The following LARGE1 variants were observed in gnomAD, a reference collection of about 807,000 sequenced individuals.
LARGE1 encodes the protein xylosyl- and glucuronyltransferase LARGE1.
In LARGE1, 43 loss-of-function variants were observed where a neutral mutation model predicts 87.6. That is an observed-to-expected ratio of 0.49 (90% CI 0.38 to 0.63). LARGE1 has a LOEUF of 0.63. LARGE1 is among the 30% of genes least tolerant of loss of function. The pLI is 0.00. For missense variants in LARGE1, 802 were observed against 1,000.2 expected (o/e 0.80, Z 2.67); for synonymous variants, 434 against 394.6 (o/e 1.10, Z -1.18).
At chr22:33,211,044 T>C (rs1328429203) in intron 11 of LARGE1, among the ~76,000 whole-genome samples, 3 of 152,252 alleles carry the variant, frequency 2.0e-5, no homozygotes, top group Non-Finnish European at 4.4e-5. Context: ...CAGCACGTGC[T>C]CACTTTGTGT....
chr22:33,556,727 G>T (rs528183039), intron 6 of LARGE1, among the ~76,000 whole-genome samples: 5 of 151,272 alleles, frequency 3.3e-5, no homozygotes, highest in Non-Finnish European at 7.4e-5. Context: ...AAAAAAAGAG[G>T]CTGGCTGCAG....
chr22:33,541,000 T>C (rs1225182685), intron 6 of LARGE1, among the ~76,000 whole-genome samples: 1 of 133,506 alleles, frequency 7.5e-6, no homozygotes, highest in Non-Finnish European at 1.6e-5. Flanking sequence ...TAGCCAGGTG[T>C]GGTGGTGCAC....
intron 5 of LARGE1, among the ~76,000 whole-genome samples, chr22:33,580,950 G>A (rs754241317): frequency 4.6e-5 from 7 of 152,060 alleles, no homozygotes; most frequent in Admixed American, 1.3e-4. Context: ...ATACATAACC[G>A]GTCAGTTTGT....
chr22:33,089,201 A>G, the LARGE1 span, among the ~76,000 whole-genome samples: 1 of 152,118 alleles, frequency 6.6e-6, no homozygotes, highest in African/African-American at 2.4e-5. Context: ...TTGACCACCA[A>G]ATCCACCTCA....
In LARGE1 at chr22:33,774,973, T is replaced by A. The variant is rs141046850; in HGVS notation, c.-82-13415A>T. ...AAGCTTTGCCGTAATACAGGCTGGA[T>A]AAATAGCAGCAGGAGTTAGTGGCAG... On this transcript the variant is annotated intron_variant, in intron 1 of 14. Coordinates refer to ENST00000397394, the MANE Select transcript of LARGE1 (RefSeq NM_133642.5). Among the ~76,000 whole-genome samples, 633 of 152,252 alleles carry A rather than the reference T, an allele frequency of 4.2e-3. 1 individual carries two copies. Among genetic ancestry groups the A allele is most frequent in the Middle Eastern group, 0.014 (4 of 294 alleles).
In LARGE1 at chr22:33,521,199, G is replaced by A. The variant is rs117926440; in HGVS notation, c.787+43649C>T. Reference sequence around the variant, plus strand: ...AAGTTTCTCCAAGAAGTAGCACACTGTATCAGTCAGCATTGCTGTGTAACA... The same window carrying A: ...AAGTTTCTCCAAGAAGTAGCACACTATATCAGTCAGCATTGCTGTGTAACA... On this transcript the variant is annotated intron_variant, in intron 6 of 14. Transcript: ENST00000397394. 3.4e-3 allele frequency among the ~76,000 whole-genome samples: 516 copies of A among 152,384 alleles called. 6 individuals carry two copies. The highest frequency in any genetic ancestry group is 0.022 in the South Asian group (104 of 4,832).
chr22:33,673,357 C>G (rs552451031), intron 2 of LARGE1, among the ~76,000 whole-genome samples: 7 of 152,278 alleles, frequency 4.6e-5, no homozygotes, highest in African/African-American at 1.7e-4. Flanking sequence ...CAGTACTCTT[C>G]CATGCTGCCA....
At chr22:33,548,084 T>C (rs2077413818) in intron 6 of LARGE1, among the ~76,000 whole-genome samples, 2 of 152,220 alleles carry the variant, frequency 1.3e-5, no homozygotes, top group South Asian at 2.1e-4. Context: ...TCATGTTCAG[T>C]TGTGATCCCC....
chr22:33,777,649 AG>A lies in LARGE1; in HGVS notation c.-82-16092del, dbSNP rs1176284346. 1.5e-3 allele frequency among the ~76,000 whole-genome samples: 5 copies of A among 3,386 alleles called. No individual in the cohort carries two copies. The South Asian group carries it at 0.041, about 28-fold the overall frequency. The allele number at this position is 3,386 out of a possible 152,430, so 2.2% of individuals were successfully genotyped here. On this transcript the variant is annotated intron_variant, in intron 1 of 14. Transcript: ENST00000397394. ...CAGAGAGGGAGGGAGGGGAAGGGGG[AG>A]GGGGAGGGGGAGGGGAAGGGGAAGG...
At chr22:33,466,952 G>T (rs892090346) in intron 6 of LARGE1, among the ~76,000 whole-genome samples, 1 of 152,094 alleles carries the variant, frequency 6.6e-6, no homozygotes, top group Admixed American at 6.6e-5. Flanking sequence ...AGGCAGGAGA[G>T]AATCACTTGA....
chr22:33,170,068 G>A (rs546151958), intron 11 of LARGE1, among the ~76,000 whole-genome samples: 10 of 152,182 alleles, frequency 6.6e-5, no homozygotes, highest in African/African-American at 2.4e-4. Context: ...ATTAGATCAT[G>A]AGGGCAGCCC....
intron 9 of LARGE1, among the ~76,000 whole-genome samples, chr22:33,355,696 G>T (rs528576539): frequency 6.5e-4 from 39 of 59,782 alleles, no homozygotes; most frequent in African/African-American, 1.3e-3. Context: ...GGCTTTCTGA[G>T]GCCCAGTGTT....
At chr22:33,321,352 C>T (rs1936692744) in intron 10 of LARGE1, among the ~76,000 whole-genome samples, 1 of 152,184 alleles carries the variant, frequency 6.6e-6, no homozygotes, top group South Asian at 2.1e-4. Flanking sequence ...CAGGGTGGCC[C>T]TTCTGATTCA....
At chr22:33,302,814 C>T (rs542598207) in intron 12 of LARGE1, among the ~76,000 whole-genome samples, 8 of 152,230 alleles carry the variant, frequency 5.3e-5, no homozygotes, top group Admixed American at 2.0e-4. Flanking sequence ...CACACCCTGG[C>T]GTGAGCTCTC....
rs1428363000 is a variant in LARGE1 at position 33,387,262 on chromosome 22, TAAAAATACAAAAA to T, written c.893-2971_893-2959del. ...CAACATGGCGAAACCCCACCTCTACTAAAAATACAAAAAAACTAGCCGGGTGTGGTGGTGCACG... is the reference window on the plus strand; with the variant it reads ...CAACATGGCGAAACCCCACCTCTACTAACTAGCCGGGTGTGGTGGTGCACG... On this transcript the variant is annotated intron_variant, in intron 7 of 14. Transcript: ENST00000397394. Among the ~76,000 whole-genome samples the T allele has an allele frequency of 1.7e-4, 22 of 127,674 alleles. 4 individuals are homozygous for T. The South Asian group carries it at 5.1e-3, about 30-fold the overall frequency. 83.8% of individuals were successfully genotyped at this position (127,674 alleles called of 152,430 possible).
chr22:33,325,412 C>T (rs183910558), intron 10 of LARGE1, among the ~76,000 whole-genome samples: 2 of 152,350 alleles, frequency 1.3e-5, no homozygotes, highest in Admixed American at 1.3e-4. Flanking sequence ...ATTTTATTCG[C>T]CTTCTTTTCT....
intron 2 of LARGE1, among the ~76,000 whole-genome samples, chr22:33,657,846 A>G (rs918092191): frequency 3.3e-5 from 5 of 152,010 alleles, no homozygotes; most frequent in Non-Finnish European, 5.9e-5. Flanking sequence ...CCCTGAGTAC[A>G]TGTCCTTGGG....
the LARGE1 span, among the ~76,000 whole-genome samples, chr22:33,090,159 C>T: frequency 1.3e-5 from 2 of 152,102 alleles, no homozygotes; most frequent in Non-Finnish European, 2.9e-5. Context: ...TAGCCGAGAT[C>T]GCACCACTGT....
chr22:33,089,263 CTCT>C, the LARGE1 span, among the ~76,000 whole-genome samples: 422 of 150,900 alleles, frequency 2.8e-3, 1 homozygote, highest in African/African-American at 9.5e-3. Context: ...TGTCTTCTTC[CTCT>C]TCTTCTTCTT....
Sources: allele counts gnomAD v4.1 joint callset (sites outside exome capture counted in the v4.1 genomes callset), GRCh38; gene constraint gnomAD v4.1.1; transcripts MANE v1.5; gene names NCBI Gene and HGNC (gene_info 2026-07-23, HGNC 2026-07-21).